The following PDE11A variants were observed in gnomAD, a reference collection of about 807,000 sequenced individuals.
PDE11A encodes the protein phosphodiesterase 11A.
PDE11A carries 100 observed loss-of-function variants against 100.5 expected under a neutral mutation model. The ratio of observed to expected loss-of-function variants is 1.00; its 90% CI spans 0.85 to 1.18. The LOEUF (loss-of-function observed/expected upper bound fraction) is 1.18, where lower values mean the gene tolerates loss of function less well. Ranked by LOEUF, PDE11A falls within the 50% of genes most tolerant of loss-of-function variation. PDE11A has a pLI of 0.00. For synonymous variants in PDE11A, 381 were observed against 420.8 expected (o/e 0.91, Z 1.16); for missense variants, 1,141 against 1,152.6 (o/e 0.99, Z 0.15).
At chr2:177,958,957 T>C (rs1429359508) in intron 2 of PDE11A, among the ~76,000 whole-genome samples, 1 of 152,192 alleles carries the variant, frequency 6.6e-6, no homozygotes, top group Non-Finnish European at 1.5e-5. Flanking sequence ...AATAAGAAAT[T>C]CCCATGAAGA....
At chr2:178,060,665 C>T (rs981594998) in intron 1 of PDE11A, among the ~76,000 whole-genome samples, 2 of 152,208 alleles carry the variant, frequency 1.3e-5, no homozygotes, top group African/African-American at 2.4e-5. Flanking sequence ...TTCCCTTATG[C>T]GTCTGTTGTT....
intron 2 of PDE11A, among the ~76,000 whole-genome samples, chr2:178,079,253 C>A (rs2087253318): frequency 6.6e-6 from 1 of 152,072 alleles, no homozygotes; most frequent in African/African-American, 2.4e-5. Flanking sequence ...GGTATTAAGC[C>A]CAGCATGCAT....
chr2:178,029,663 A>C (rs2105839875), intron 1 of PDE11A, among the ~76,000 whole-genome samples: 1 of 152,304 alleles, frequency 6.6e-6, no homozygotes, highest in Non-Finnish European at 1.5e-5. Flanking sequence ...AGCAAAAGTT[A>C]ATGAAAATGG....
chr2:177,713,640 G>A (rs920348784), intron 12 of PDE11A, among the ~76,000 whole-genome samples: 2 of 152,004 alleles, frequency 1.3e-5, no homozygotes, highest in African/African-American at 2.4e-5. Flanking sequence ...CAGGAGAATC[G>A]CTTGAACCGG....
At position 177,855,263 on chromosome 2, in the gene PDE11A, T is replaced by G. The variant is rs963782458; in HGVS notation, c.1368-14880A>C. On this transcript the variant is annotated intron_variant, in intron 5 of 19. Coordinates refer to ENST00000286063, the MANE Select transcript of PDE11A (RefSeq NM_016953.4). ...CTTACATTCCCTATTACCTTGGACATAGAGAAATAAAAGAAAAAGTAAAGA... is the reference window on the plus strand; with the variant it reads ...CTTACATTCCCTATTACCTTGGACAGAGAGAAATAAAAGAAAAAGTAAAGA... Among the ~76,000 whole-genome samples, 3 of 152,088 alleles carry G rather than the reference T, an allele frequency of 2.0e-5. No individual in the cohort carries two copies. The South Asian group carries it at 6.3e-4, about 32-fold the overall frequency.
At chr2:178,054,725 C>G (rs2086876258) in intron 1 of PDE11A, among the ~76,000 whole-genome samples, 1 of 152,176 alleles carries the variant, frequency 6.6e-6, no homozygotes, top group Admixed American at 6.5e-5. Context: ...GACATTTATG[C>G]AGCCAAAAGA....
chr2:177,943,384 G>T (rs1370581233), intron 2 of PDE11A, among the ~76,000 whole-genome samples: 1 of 133,378 alleles, frequency 7.5e-6, no homozygotes, highest in Non-Finnish European at 1.7e-5. Context: ...ACTAACATTT[G>T]GTCTTTTCTT....
intron 2 of PDE11A, among the ~76,000 whole-genome samples, chr2:177,985,459 A>T (rs537283838): frequency 1.7e-4 from 26 of 152,342 alleles, no homozygotes; most frequent in African/African-American, 6.3e-4. Context: ...GAACACAGGC[A>T]TAACAGAGGT....
chr2:178,069,547 C>A lies in PDE11A; in HGVS notation c.912+1979G>T, dbSNP rs182534849. On this transcript the variant is annotated intron_variant, in intron 1 of 19. Transcript: ENST00000286063. The stretch of plus-strand genomic sequence containing the variant: ...TTGCCAGTCCTCCCAACAACCCAGT[C>A]CCCTTTTGTGGCCATCATTACTACT... 7.3e-4 allele frequency among the ~76,000 whole-genome samples: 111 copies of A among 152,200 alleles called. 2 individuals are homozygous for A. Among genetic ancestry groups the A allele is most frequent in the African/African-American group, 2.4e-3 (101 of 41,528 alleles).
In PDE11A at chr2:177,892,276, A is replaced by G. The variant is rs375180811; in HGVS notation, c.1302+5782T>C. Among the ~76,000 whole-genome samples, 98 of 152,218 alleles carry G rather than the reference A, an allele frequency of 6.4e-4. 2 individuals are homozygous for G. Among genetic ancestry groups the G allele is most frequent in the African/African-American group, 2.2e-3 (91 of 41,538 alleles). ...TAAAATTATATTTTTATAGGTATGA[A>G]CTAGAAATCCAGCTTCTTACGGTTT... is the stretch of plus-strand genomic sequence containing the variant. On this transcript the variant is annotated intron_variant, in intron 4 of 19. Coordinates refer to ENST00000286063, the MANE Select transcript of PDE11A (RefSeq NM_016953.4).
upstream of PDE11A, among the ~76,000 whole-genome samples, chr2:178,074,186 G>A (rs78947437): frequency 1.1e-3 from 170 of 152,082 alleles, 3 homozygotes; most frequent in East Asian, 0.03. Flanking sequence ...AATCCATACA[G>A]ACAGAAAGTA....
chr2:178,037,264 G>GA (rs1293563386), intron 1 of PDE11A, among the ~76,000 whole-genome samples: 1 of 151,896 alleles, frequency 6.6e-6, no homozygotes, highest in Non-Finnish European at 1.5e-5. Context: ...CAACAAACGT[G>GA]AAAAAAAGCT....
intron 10 of PDE11A, among the ~76,000 whole-genome samples, chr2:177,741,312 C>T (rs1356027141): frequency 1.3e-5 from 2 of 152,178 alleles, no homozygotes; most frequent in African/African-American, 4.8e-5. Context: ...GTCTTTTCCT[C>T]TTCTTGTAGG....
At chr2:177,686,613 A>G (rs2080955429) in intron 15 of PDE11A, 1 of 151,968 alleles carries the variant, frequency 6.6e-6, no homozygotes, top group Admixed American at 6.6e-5. Context: ...TGGTGGAACC[A>G]TGTATAACAC....
chr2:177,891,075 C>A (rs1377760779), intron 4 of PDE11A, among the ~76,000 whole-genome samples: 1 of 152,150 alleles, frequency 6.6e-6, no homozygotes, highest in Non-Finnish European at 1.5e-5. Flanking sequence ...CTTATATACT[C>A]ATTTTGGTCT....
intron 2 of PDE11A, among the ~76,000 whole-genome samples, chr2:177,936,053 T>C (rs1313061516): frequency 6.6e-6 from 1 of 152,218 alleles, no homozygotes; most frequent in African/African-American, 2.4e-5. Context: ...AAGACATCTA[T>C]GTATTTATCT....
At chr2:177,801,933 C>A (rs546061180) in intron 9 of PDE11A, among the ~76,000 whole-genome samples, 3 of 151,872 alleles carry the variant, frequency 2.0e-5, no homozygotes, top group African/African-American at 7.2e-5. Flanking sequence ...AAGCAAGCTG[C>A]AAATTGGGTG....
intron 1 of PDE11A, among the ~76,000 whole-genome samples, chr2:178,065,809 G>A (rs553565474): frequency 2.0e-5 from 3 of 152,170 alleles, no homozygotes; most frequent in African/African-American, 4.8e-5. Flanking sequence ...ATCAGGGAAC[G>A]AAGCACTCTC....
chr2:177,946,100 T>TG (rs1196277878), intron 2 of PDE11A, among the ~76,000 whole-genome samples: 603 of 43,064 alleles, frequency 0.014, 15 homozygotes, highest in East Asian at 0.074. Context: ...GGGATGGAGG[T>TG]GGGGGGGGGT....
Sources: allele counts gnomAD v4.1 joint callset (sites outside exome capture counted in the v4.1 genomes callset), GRCh38; gene constraint gnomAD v4.1.1; transcripts MANE v1.5; gene names NCBI Gene and HGNC (gene_info 2026-07-23, HGNC 2026-07-21).